The following HACE1 variants were observed in gnomAD, a reference collection of about 807,000 sequenced individuals.
HACE1 encodes the protein HECT domain and ankyrin repeat containing E3 ubiquitin protein ligase 1, also known as E3 ubiquitin-protein ligase HACE1.
Under a neutral mutation model 118.4 loss-of-function variants are expected in HACE1, and 73 were observed. That is an observed-to-expected ratio of 0.62 (90% CI 0.51 to 0.75). HACE1 has a LOEUF of 0.75. Ranked by LOEUF, HACE1 falls within the 30% of genes least tolerant of loss-of-function variation. The pLI, the probability that HACE1 is intolerant of heterozygous loss-of-function variation, is 0.00. For synonymous variants in HACE1, 368 were observed against 374.8 expected (o/e 0.98, Z 0.21); for missense variants, 749 against 1,102.2 (o/e 0.68, Z 4.54).
intron 11 of HACE1, among the ~76,000 whole-genome samples, chr6:104,790,459 G>A (rs1782906887): frequency 6.6e-6 from 1 of 152,150 alleles, no homozygotes; most frequent in Non-Finnish European, 1.5e-5. Context: ...ATTGTTTAAA[G>A]AAATGTAAGT....
chr6:104,784,094 T>C lies in HACE1; in HGVS notation c.1558A>G (p.Lys520Glu). The change falls in exon 14 of 24, where the codon AAA (lysine) becomes GAA (glutamate). Residue 520 changes from lysine (K) to glutamate (E), a missense_variant. By Grantham distance (56) the Lys-to-Glu change is moderately conservative (BLOSUM62 1). Transcript: ENST00000262903. ...TGAAGAAAAATTTCTACCTGTGCTT[T>C]TATGATATGCATGAATCTTGACATC... ...ELMSRFMHII[K>E]AQPFKDRCEW... 6.4e-7 allele frequency: 1 copy of C among 1,553,480 alleles called. No individual in the cohort carries two copies.
chr6:104,795,751 A>G, intron 9 of HACE1, 66 bp from the exon 10 acceptor site: 1 of 947,884 alleles, frequency 1.1e-6, no homozygotes, highest in Non-Finnish European at 1.7e-6. Context: ...CAAACAATTA[A>G]GTACCTATTA....
At chr6:104,741,961 A>G (rs1354442171) in intron 22 of HACE1, among the ~76,000 whole-genome samples, 1 of 151,768 alleles carries the variant, frequency 6.6e-6, no homozygotes, top group African/African-American at 2.4e-5. Flanking sequence ...ACCAAAACAG[A>G]AATATAGATC....
At chr6:104,772,402 TAC>T (rs143145910) in intron 17 of HACE1, among the ~76,000 whole-genome samples, 5 of 151,228 alleles carry the variant, frequency 3.3e-5, no homozygotes, top group Admixed American at 6.6e-5. Context: ...CACATACACA[TAC>T]ACACACACAC....
chr6:104,750,819 T>G (rs151170313), intron 19 of HACE1, among the ~76,000 whole-genome samples: 250 of 152,296 alleles, frequency 1.6e-3, no homozygotes, highest in Non-Finnish European at 2.3e-3. Context: ...GTGTCCCTGT[T>G]TCCATTTTTG....
chr6:104,806,984 T>C (rs1771071185), intron 7 of HACE1, among the ~76,000 whole-genome samples: 1 of 151,972 alleles, frequency 6.6e-6, no homozygotes, highest in Non-Finnish European at 1.5e-5. Flanking sequence ...GGTCCGTTCC[T>C]ATGCTGAAAG....
intron 20 of HACE1, among the ~76,000 whole-genome samples, chr6:104,749,418 T>G (rs989615273): frequency 2.0e-5 from 3 of 152,116 alleles, no homozygotes; most frequent in African/African-American, 7.2e-5. Flanking sequence ...TTAGCAAATT[T>G]TATTCACTAT....
intron 4 of HACE1, among the ~76,000 whole-genome samples, chr6:104,844,838 A>AT (rs1193327424): frequency 6.6e-6 from 1 of 151,112 alleles, no homozygotes; most frequent in Non-Finnish European, 1.5e-5. Context: ...AATTTTTCGT[A>AT]TTTTTAGTAG....
At chr6:104,751,297 T>C (rs1212892634) in intron 19 of HACE1, among the ~76,000 whole-genome samples, 32 of 152,326 alleles carry the variant, frequency 2.1e-4, no homozygotes, top group Admixed American at 2.0e-3. Flanking sequence ...TCAAAAAATA[T>C]GTGAAGAATG....
At chr6:104,858,427 G>C (rs1582813698) in intron 1 of HACE1, 2 of 330,550 alleles carry the variant, frequency 6.1e-6, no homozygotes, top group Non-Finnish European at 1.2e-5. Flanking sequence ...CAGGCCAGGC[G>C]CGGTGGCTCA....
chr6:104,771,088 T>C (rs1780556025), intron 19 of HACE1, 105 bp downstream of exon 19: 3 of 791,426 alleles, frequency 3.8e-6, no homozygotes, highest in Non-Finnish European at 4.5e-6. Context: ...TATGATACTG[T>C]AATAGTAAAA....
At chr6:104,764,695 T>C (rs1484541266) in intron 19 of HACE1, among the ~76,000 whole-genome samples, 1 of 152,254 alleles carries the variant, frequency 6.6e-6, no homozygotes, top group Non-Finnish European at 1.5e-5. Context: ...TCATCATCAA[T>C]GAATGAGCAA....
intron 7 of HACE1, among the ~76,000 whole-genome samples, chr6:104,805,121 T>A (rs1359578922): frequency 6.6e-6 from 1 of 152,158 alleles, no homozygotes; most frequent in Non-Finnish European, 1.5e-5. Flanking sequence ...TCGTCACTGG[T>A]CATTAGAGAA....
chr6:104,744,415 T>C, intron 21 of HACE1, 97 bp downstream of exon 21: 1 of 841,534 alleles, frequency 1.2e-6, no homozygotes, highest in Admixed American at 1.8e-5. Flanking sequence ...ACACTTTACT[T>C]TGTTAATTAA....
chr6:104,847,304 A>G (rs1377917378), intron 4 of HACE1, among the ~76,000 whole-genome samples: 1 of 152,208 alleles, frequency 6.6e-6, no homozygotes, highest in Non-Finnish European at 1.5e-5. Context: ...ATTTTTCTAC[A>G]TGTAACCTTT....
chr6:104,738,637 G>C (rs1031192509), intron 22 of HACE1, among the ~76,000 whole-genome samples: 3 of 149,372 alleles, frequency 2.0e-5, no homozygotes, highest in Admixed American at 6.6e-5. Flanking sequence ...AAAAAGAAAT[G>C]AGCAAAGCCT....
chr6:104,741,272 C>T (rs1455295833), intron 22 of HACE1, among the ~76,000 whole-genome samples: 1 of 120,588 alleles, frequency 8.3e-6, no homozygotes, highest in Non-Finnish European at 1.6e-5. Context: ...CCCTCTCTCA[C>T]CACTCCTATT....
intron 19 of HACE1, among the ~76,000 whole-genome samples, chr6:104,760,175 G>A (rs185609732): frequency 6.6e-6 from 1 of 152,220 alleles, no homozygotes; most frequent in Non-Finnish European, 1.5e-5. Flanking sequence ...AGAAAAAGAG[G>A]GAATCCTCTC....
chr6:104,842,753 T>C (rs939430370), intron 5 of HACE1, among the ~76,000 whole-genome samples: 1 of 152,178 alleles, frequency 6.6e-6, no homozygotes, highest in Non-Finnish European at 1.5e-5. Flanking sequence ...TGGTAAGCCA[T>C]AACTTATCTT....
Sources: gnomAD v4.1 joint callset for allele counts (sites outside exome capture counted in the v4.1 genomes callset) on GRCh38, gnomAD v4.1.1 for gene constraint, MANE v1.5 for transcripts, NCBI Gene and HGNC (gene_info 2026-07-23, HGNC 2026-07-21) for gene names.